The following ATP6V1H variants were observed in gnomAD, a reference collection of about 807,000 sequenced individuals.
The protein encoded by ATP6V1H is ATPase H+ transporting V1 subunit H.
ATP6V1H carries 39 observed loss-of-function variants against 71.7 expected under a neutral mutation model. That is an observed-to-expected ratio of 0.54 (90% confidence interval 0.42 to 0.71). The LOEUF is 0.71. Ranked by LOEUF, ATP6V1H falls within the 30% of genes least tolerant of loss-of-function variation. ATP6V1H has a pLI of 0.00. For synonymous variants in ATP6V1H, 192 were observed against 199.3 expected (o/e 0.96, Z 0.31); for missense variants, 509 against 594.9 (o/e 0.86, Z 1.50).
intron 12 of ATP6V1H, among the ~76,000 whole-genome samples, chr8:53,754,114 C>CA (rs2130240644): frequency 6.6e-6 from 1 of 152,248 alleles, no homozygotes; most frequent in African/African-American, 2.4e-5. Context: ...TGGCAGTAAG[C>CA]ACATCTGCCC....
chr8:53,769,696 C>T lies in ATP6V1H; in HGVS notation c.1097G>A (p.Trp366Ter). 6.2e-7 allele frequency: 1 copy of T among 1,612,426 alleles called. No homozygotes were observed. Residue 366 changes from tryptophan to a stop codon, truncating the protein, a stop_gained, in exon 11 of 14, where the codon TGG becomes TAG. Coordinates refer to ENST00000359530, the MANE Select transcript of ATP6V1H (RefSeq NM_015941.4). LOFTEE classifies it high-confidence loss of function. ...TTTCTCAGATTTGTGCACAGGACTC[C>T]ATTCCAACCTTCCAGATTTAAGTTC... The part of the protein sequence containing the change: ...SSELKSGRLE[W>*]SPVHKSEKFW...
intron 11 of ATP6V1H, among the ~76,000 whole-genome samples, chr8:53,763,229 A>C (rs1386517354): frequency 1.8e-4 from 28 of 152,208 alleles, no homozygotes; most frequent in Admixed American, 1.8e-3. Context: ...CAGAAGATGC[A>C]AAGGAATCCA....
intron 4 of ATP6V1H, among the ~76,000 whole-genome samples, chr8:53,818,090 G>C (rs75157949): frequency 0.02 from 3,116 of 152,230 alleles, 52 homozygotes; most frequent in Middle Eastern, 0.037. Flanking sequence ...AAAATTCTTA[G>C]TTCCAATCAT....
intron 9 of ATP6V1H, among the ~76,000 whole-genome samples, chr8:53,793,148 A>G (rs1809622462): frequency 6.6e-6 from 1 of 152,240 alleles, no homozygotes; most frequent in Admixed American, 6.5e-5. Context: ...TAAATAGCCA[A>G]TAATATTAAA....
intron 8 of ATP6V1H, among the ~76,000 whole-genome samples, chr8:53,797,052 C>T (rs902657630): frequency 3.9e-5 from 6 of 152,210 alleles, no homozygotes; most frequent in South Asian, 2.1e-4. Context: ...GATATCAGTA[C>T]ATAAACTGCT....
rs186023301 is a variant in ATP6V1H at position 53,755,672 on chromosome 8, T to G, written c.1277+883A>C. On this transcript the variant is annotated intron_variant, in intron 12 of 13. Transcript: ENST00000359530. ...ATCTAATGTGATCTACACAGTAGTA[T>G]TATACCAGCGTACATATATATATAT... is the stretch of plus-strand genomic sequence containing the variant. Among the ~76,000 whole-genome samples the G allele has an allele frequency of 3.0e-5, 3 of 101,122 alleles. 1 individual carries two copies. The East Asian group carries it at 8.7e-4, about 29-fold the overall frequency. The allele number at this position is 101,122 out of a possible 152,430, so 66.3% of individuals were successfully genotyped here. A position where few individuals can be genotyped will look rare whatever the true frequency, so the allele number is the denominator to read the frequency against.
intron 11 of ATP6V1H, among the ~76,000 whole-genome samples, chr8:53,768,710 T>C (rs868839892): frequency 2.0e-5 from 3 of 152,144 alleles, no homozygotes; most frequent in Non-Finnish European, 4.4e-5. Context: ...TATGATTCCA[T>C]TTACATGAAA....
chr8:53,833,430 T>C (rs1811069671), intron 2 of ATP6V1H, among the ~76,000 whole-genome samples: 1 of 151,918 alleles, frequency 6.6e-6, no homozygotes, highest in South Asian at 2.1e-4. Context: ...TTACCCAGTG[T>C]CTCACCCTTA....
At chr8:53,755,909 CA>C (rs1808036293) in intron 12 of ATP6V1H, among the ~76,000 whole-genome samples, 2 of 133,902 alleles carry the variant, frequency 1.5e-5, no homozygotes, top group East Asian at 4.2e-4. Flanking sequence ...AGGCGCCCGC[CA>C]CTACGCCCGG....
At chr8:53,828,314 G>T (rs937842596) in intron 4 of ATP6V1H, among the ~76,000 whole-genome samples, 1 of 152,174 alleles carries the variant, frequency 6.6e-6, no homozygotes, top group Non-Finnish European at 1.5e-5. Flanking sequence ...TGTTACAGAA[G>T]AGGTACACAT....
chr8:53,826,291 T>C (rs1033909177), intron 4 of ATP6V1H, among the ~76,000 whole-genome samples: 2 of 152,200 alleles, frequency 1.3e-5, no homozygotes, highest in Admixed American at 1.3e-4. Flanking sequence ...CAATCCCATT[T>C]CTAAGAATTT....
At position 53,803,320 on chromosome 8, in the gene ATP6V1H, G is replaced by A. The variant is rs530845091; in HGVS notation, c.580-1424C>T. Among the ~76,000 whole-genome samples, 447 of 152,064 alleles carry A rather than the reference G, an allele frequency of 2.9e-3. 4 individuals are homozygous for A. The highest frequency in any genetic ancestry group is 6.2e-3 in the Admixed American group (95 of 15,268). ...CCACTGCACTCTAGCCTGGGTGACA[G>A]AGTGAGACTCTATCTCAAAAAAAAA... On this transcript the variant is annotated intron_variant, in intron 7 of 13. Transcript: ENST00000359530.
intron 5 of ATP6V1H, among the ~76,000 whole-genome samples, chr8:53,815,003 AC>A (rs1810399010): frequency 1.3e-5 from 2 of 152,326 alleles, no homozygotes; most frequent in African/African-American, 4.8e-5. Context: ...GAATTTCTTG[AC>A]ACTCCCTGTA....
intron 13 of ATP6V1H, among the ~76,000 whole-genome samples, chr8:53,742,484 T>C (rs1216749132): frequency 2.0e-5 from 3 of 152,226 alleles, no homozygotes; most frequent in African/African-American, 7.2e-5. Context: ...CTTAGCTATG[T>C]GGCCTACTCA....
chr8:53,803,067 T>C (rs1022551711), intron 7 of ATP6V1H, among the ~76,000 whole-genome samples: 4 of 152,204 alleles, frequency 2.6e-5, no homozygotes, highest in Non-Finnish European at 4.4e-5. Context: ...CTGGGTGCGG[T>C]GGCTCACGCC....
chr8:53,830,688 T>C (rs887531632), intron 3 of ATP6V1H, among the ~76,000 whole-genome samples: 1 of 151,954 alleles, frequency 6.6e-6, no homozygotes, highest in Non-Finnish European at 1.5e-5. Flanking sequence ...ACACTGCTAT[T>C]AAGAAAGAAC....
intron 13 of ATP6V1H, among the ~76,000 whole-genome samples, chr8:53,735,730 A>G (rs1807180216): frequency 6.6e-6 from 1 of 152,212 alleles, no homozygotes; most frequent in African/African-American, 2.4e-5. Flanking sequence ...AAAAATGCCT[A>G]TAAGCCTGAC....
intron 13 of ATP6V1H, among the ~76,000 whole-genome samples, chr8:53,742,139 CAT>C (rs1807434365): frequency 1.3e-5 from 2 of 152,288 alleles, no homozygotes; most frequent in Admixed American, 1.3e-4. Flanking sequence ...TCTCCTGAAC[CAT>C]GTTTTTCCCC....
chr8:53,720,891 A>T (rs536526164), intron 13 of ATP6V1H, among the ~76,000 whole-genome samples: 1 of 152,182 alleles, frequency 6.6e-6, no homozygotes, highest in African/African-American at 2.4e-5. Flanking sequence ...CAAATTTTTC[A>T]TAACTAAAAT....
Sources: allele counts gnomAD v4.1 joint callset (sites outside exome capture counted in the v4.1 genomes callset), GRCh38; gene constraint gnomAD v4.1.1; transcripts MANE v1.5; gene names NCBI Gene and HGNC (gene_info 2026-07-23, HGNC 2026-07-21).